TRPS1: variants seen among roughly 807,000 people sequenced by gnomAD.
TRPS1 encodes the protein transcriptional repressor GATA binding 1.
A neutral mutation model predicts 101.2 loss-of-function variants in TRPS1; 6 were observed. That is an observed-to-expected ratio of 0.06 (90% confidence interval 0.03 to 0.12). The LOEUF (loss-of-function observed/expected upper bound fraction) is 0.12, where lower values mean the gene tolerates loss of function less well. Ranked by LOEUF, TRPS1 falls within the 10% of genes least tolerant of loss-of-function variation. TRPS1 has a pLI of 1.00. For synonymous variants in TRPS1, 578 were observed against 589.8 expected (o/e 0.98, Z 0.29); for missense variants, 1,363 against 1,567.0 (o/e 0.87, Z 2.20).
At chr8:115,470,196 A>G (rs3808415) in intron 5 of TRPS1, among the ~76,000 whole-genome samples, 54,299 of 152,060 alleles carry the variant, frequency 0.36, 10,403 homozygotes, top group Non-Finnish European at 0.45. Flanking sequence ...AGAACATTCT[A>G]TGAATCAGAG....
At chr8:115,456,990 A>G (rs1253374702) in intron 5 of TRPS1, among the ~76,000 whole-genome samples, 2 of 152,168 alleles carry the variant, frequency 1.3e-5, no homozygotes, top group Admixed American at 1.3e-4. Context: ...CTGAGGGCCT[A>G]TGAGCTAAGG....
Position 115,603,930 on chromosome 8 carries a change from G to A in TRPS1, c.2039C>T (p.Ser680Leu). ...GGTAATAAAATCACATTTGGTACATGAGTGTTCTTTGCTTTCCTTGACAGA... is the reference window on the plus strand; with the variant it reads ...GGTAATAAAATCACATTTGGTACATAAGTGTTCTTTGCTTTCCTTGACAGA... ...QQSVKESKEH[S>L]CTKCDFITQV... The change falls in exon 4 of 7, where the codon TCA (serine) becomes TTA (leucine). Residue 680 changes from serine (S) to leucine (L), a missense_variant. Physicochemically the swap from Ser to Leu is moderately radical, Grantham distance 145. Coordinates refer to ENST00000395715, the MANE Select transcript of TRPS1 (RefSeq NM_014112.5). The A allele has an allele frequency of 1.2e-6, 2 of 1,613,928 alleles. No individual in the cohort carries two copies. Among genetic ancestry groups the A allele is most frequent in the Non-Finnish European group, 1.7e-6 (2 of 1,179,942 alleles).
chr8:115,654,151 T>G (rs1041250882), intron 1 of TRPS1, among the ~76,000 whole-genome samples: 62 of 152,218 alleles, frequency 4.1e-4, no homozygotes, highest in African/African-American at 1.3e-3. Context: ...CAACAAAGTA[T>G]GATTAAAATT....
intron 5 of TRPS1, among the ~76,000 whole-genome samples, chr8:115,522,093 G>A (rs16887530): frequency 0.036 from 5,515 of 151,954 alleles, 377 homozygotes; most frequent in African/African-American, 0.13. Context: ...TAATTAAGTC[G>A]ATTTAATGGA....
intron 5 of TRPS1, among the ~76,000 whole-genome samples, chr8:115,548,106 T>G (rs997097774): frequency 2.0e-5 from 3 of 151,104 alleles, no homozygotes; most frequent in African/African-American, 4.9e-5. Flanking sequence ...GGTTGGCGCA[T>G]GCCTCTAAGC....
At chr8:115,443,136 G>A (rs1813649684) in intron 5 of TRPS1, among the ~76,000 whole-genome samples, 1 of 151,698 alleles carries the variant, frequency 6.6e-6, no homozygotes, top group Non-Finnish European at 1.5e-5. Context: ...TGGACGTGGT[G>A]GCATATTCCT....
chr8:115,621,151 T>C (rs1818383975), intron 2 of TRPS1, among the ~76,000 whole-genome samples: 2 of 152,162 alleles, frequency 1.3e-5, no homozygotes, highest in African/African-American at 4.8e-5. Flanking sequence ...AAACAATTTG[T>C]GTAGTGTCAA....
chr8:115,411,791 TTTCTC>T lies in TRPS1; in HGVS notation c.*2227_*2231del, dbSNP rs1199178974. 7.9e-5 allele frequency: 12 copies of T among 152,318 alleles called. No homozygotes were observed. Among genetic ancestry groups the T allele is most frequent in the African/African-American group, 2.4e-4 (10 of 41,548 alleles). 9.4% of individuals were successfully genotyped at this position (152,318 alleles called of 1,614,324 possible). ...CTGATTTCTGTCTCTTGCTTTCTCT[TTTCTC>T]TTTTTTTAATATGCAAACAAAAAAA... is the stretch of plus-strand genomic sequence containing the variant. On this transcript the variant is annotated 3_prime_UTR_variant, in exon 7 of 7. Transcript: ENST00000395715.
At chr8:115,451,825 A>G (rs960456200) in intron 5 of TRPS1, among the ~76,000 whole-genome samples, 3 of 152,158 alleles carry the variant, frequency 2.0e-5, no homozygotes, top group Middle Eastern at 3.2e-3. Context: ...GCCAAGAGAA[A>G]GAACGTGCTC....
chr8:115,665,747 C>T (rs1205030192), intron 1 of TRPS1, among the ~76,000 whole-genome samples: 1 of 152,140 alleles, frequency 6.6e-6, no homozygotes, highest in Non-Finnish European at 1.5e-5. Context: ...TTACCTTTAA[C>T]GTTACCTTTA....
chr8:115,652,990 CATCTT>C (rs1274901607), intron 1 of TRPS1, among the ~76,000 whole-genome samples: 1 of 152,118 alleles, frequency 6.6e-6, no homozygotes, highest in Admixed American at 6.5e-5. Context: ...TACAGCAACT[CATCTT>C]ATTTAAACCT....
intron 5 of TRPS1, among the ~76,000 whole-genome samples, chr8:115,546,932 C>A (rs988687277): frequency 6.6e-6 from 1 of 152,156 alleles, no homozygotes; most frequent in Non-Finnish European, 1.5e-5. Context: ...CCCAATCCTA[C>A]GTTAACTGTT....
intron 5 of TRPS1, among the ~76,000 whole-genome samples, chr8:115,584,601 TTAGTAAAC>T (rs907972355): frequency 1.3e-5 from 2 of 151,914 alleles, no homozygotes; most frequent in Middle Eastern, 3.2e-3. Flanking sequence ...TTTTTGGCCT[TTAGTAAAC>T]ATGACCTCAA....
rs1207875402 is a variant in TRPS1, at chr8:115,587,450, C to G, written c.2251G>C (p.Glu751Gln). Residue 751 changes from glutamate to glutamine, a missense_variant, in exon 5 of 7, where the codon GAG (glutamate) becomes CAG (glutamine). Glu to Gln is a conservative substitution (Grantham distance 29). Transcript: ENST00000395715. ...ACCCTGAAGTCAATTTTGGGCTCCT[C>G]TTTGATGGTGGATATGGCATGACCG... ...EDGHAISTIKEEPKIDFRVYN... is the reference protein window; with the variant it reads ...EDGHAISTIKQEPKIDFRVYN... The G allele has an allele frequency of 3.1e-6, 5 of 1,614,172 alleles. No individual in the cohort carries two copies. The highest frequency in any genetic ancestry group is 2.2e-5 in the East Asian group (1 of 44,876).
At chr8:115,533,014 C>T (rs189484722) in intron 5 of TRPS1, among the ~76,000 whole-genome samples, 148 of 152,240 alleles carry the variant, frequency 9.7e-4, no homozygotes, top group African/African-American at 3.3e-3. Flanking sequence ...AAAGAGAACA[C>T]GGTCTAAACC....
chr8:115,635,862 G>A (rs2721953), intron 1 of TRPS1, among the ~76,000 whole-genome samples: 68,101 of 151,966 alleles, frequency 0.45, 19,363 homozygotes, highest in African/African-American at 0.81. Context: ...ACACATAAAT[G>A]TTGTAGAAAA....
chr8:115,668,435 G>T, intron 1 of TRPS1, 110 bp downstream of exon 1: 1 of 141,664 alleles, frequency 7.1e-6, no homozygotes, highest in South Asian at 2.2e-4. Context: ...GCACACGAGC[G>T]GGCGCTGCAC....
chr8:115,455,391 G>A (rs1813991422), intron 5 of TRPS1, among the ~76,000 whole-genome samples: 1 of 152,182 alleles, frequency 6.6e-6, no homozygotes. Flanking sequence ...GTGAGTGCAC[G>A]ATAATTTCTA....
At chr8:115,616,051 C>T (rs894937670) in intron 3 of TRPS1, among the ~76,000 whole-genome samples, 1 of 151,618 alleles carries the variant, frequency 6.6e-6, no homozygotes, top group East Asian at 1.9e-4. Context: ...AAAGAATTTA[C>T]ATGTCTTCTG....
Sources: allele counts gnomAD v4.1 joint callset (sites outside exome capture counted in the v4.1 genomes callset), GRCh38; gene constraint gnomAD v4.1.1; transcripts MANE v1.5; gene names NCBI Gene and HGNC (gene_info 2026-07-23, HGNC 2026-07-21).